The following BMPER variants were observed in gnomAD, a reference collection of about 807,000 sequenced individuals.
The protein encoded by BMPER is BMP binding endothelial regulator, also known as BMP-binding endothelial regulator protein.
A neutral mutation model predicts 87.3 loss-of-function variants in BMPER; 45 were observed. The ratio of observed to expected loss-of-function variants is 0.52; its 90% CI spans 0.41 to 0.66. BMPER has a LOEUF of 0.66. Ranked by LOEUF, BMPER falls within the 30% of genes least tolerant of loss-of-function variation. The pLI, the probability that BMPER is intolerant of heterozygous loss-of-function variation, is 0.00. For missense variants in BMPER, 784 were observed against 867.5 expected (o/e 0.90, Z 1.21); for synonymous variants, 326 against 316.2 (o/e 1.03, Z -0.33).
chr7:33,972,783 G>C (rs1468262095), intron 5 of BMPER, among the ~76,000 whole-genome samples: 1 of 152,234 alleles, frequency 6.6e-6, no homozygotes, highest in African/African-American at 2.4e-5. Context: ...GGCAGGCTCT[G>C]TGTCCTCAAT....
chr7:34,088,098 G>A (rs1471697643), intron 13 of BMPER, among the ~76,000 whole-genome samples: 1 of 152,228 alleles, frequency 6.6e-6, no homozygotes, highest in East Asian at 1.9e-4. Context: ...TAAAGGGCTT[G>A]ATGCCCTGAG....
intron 6 of BMPER, among the ~76,000 whole-genome samples, chr7:33,987,443 A>G (rs996986318): frequency 2.0e-5 from 3 of 152,254 alleles, no homozygotes; most frequent in African/African-American, 7.2e-5. Context: ...TCTCAAGCCC[A>G]TCTCTGAGCC....
intron 2 of BMPER, among the ~76,000 whole-genome samples, chr7:33,925,116 G>A (rs1047887991): frequency 3.9e-5 from 6 of 152,178 alleles, no homozygotes; most frequent in African/African-American, 9.7e-5. Context: ...CGTCAGCCCT[G>A]TGAGGACATG....
In BMPER at chr7:34,051,952, C is replaced by T; in HGVS notation, c.768C>T (p.Cys256=). The change falls in exon 8 of 15, where the codon TGC becomes TGT. Residue 256 remains cysteine (C), a synonymous_variant. Coordinates refer to ENST00000649409, the MANE Select transcript of BMPER (RefSeq NM_001365308.1). ...DNGSSFLYDN[C]TACTCRDSTV... ...GATCCTCATTTCTGTACGATAACTGCACAGCTTGTACCTGCAGGGTAAGGC... is the reference window on the plus strand; with the variant it reads ...GATCCTCATTTCTGTACGATAACTGTACAGCTTGTACCTGCAGGGTAAGGC... The T allele has an allele frequency of 6.2e-7, 1 of 1,613,484 alleles. No individual in the cohort carries two copies. The highest frequency in any genetic ancestry group is 8.5e-7 in the Non-Finnish European group (1 of 1,179,450).
chr7:34,058,768 C>T (rs892419324), intron 10 of BMPER, among the ~76,000 whole-genome samples: 1 of 152,188 alleles, frequency 6.6e-6, no homozygotes, highest in Non-Finnish European at 1.5e-5. Context: ...ATTGAATTCA[C>T]CTCAGCAACT....
intron 6 of BMPER, among the ~76,000 whole-genome samples, chr7:34,007,361 A>G (rs771047159): frequency 3.3e-5 from 5 of 152,072 alleles, no homozygotes; most frequent in African/African-American, 4.8e-5. Flanking sequence ...GCACATGTAC[A>G]TTCCTAAGCT....
At chr7:34,082,328 G>GTTTTTTTTTTTTTTTTTTTTTTTTTTTTT (rs55748957) in intron 12 of BMPER, among the ~76,000 whole-genome samples, 1 of 116,442 alleles carries the variant, frequency 8.6e-6, no homozygotes, top group African/African-American at 3.2e-5. Context: ...CAACTTATTA[G>GTTTTTTTTTTTTTTTTTTTTTTTTTTTTT]TTTTTTTTTT....
chr7:33,973,881 G>A (rs10281667), intron 5 of BMPER, among the ~76,000 whole-genome samples: 93,512 of 151,966 alleles, frequency 0.62, 29,008 homozygotes, highest in Middle Eastern at 0.67. Flanking sequence ...TTTGTGCATC[G>A]TGCCATTTAT....
At chr7:33,951,832 T>C (rs1169485623) in intron 3 of BMPER, among the ~76,000 whole-genome samples, 1 of 152,106 alleles carries the variant, frequency 6.6e-6, no homozygotes, top group Non-Finnish European at 1.5e-5. Context: ...TTCCTGGCCA[T>C]GGTGGAGGAG....
intron 6 of BMPER, among the ~76,000 whole-genome samples, chr7:34,012,924 T>C (rs1562688940): frequency 6.6e-6 from 1 of 151,902 alleles, no homozygotes; most frequent in Non-Finnish European, 1.5e-5. Context: ...TATTAAAAAA[T>C]ATAAAAACTT....
At chr7:33,984,005 G>A (rs894648571) in intron 6 of BMPER, among the ~76,000 whole-genome samples, 2 of 152,140 alleles carry the variant, frequency 1.3e-5, no homozygotes, top group African/African-American at 4.8e-5. Flanking sequence ...TCTCCATAAT[G>A]CCAGTGTGAA....
chr7:34,153,240 G>A lies in BMPER; in HGVS notation c.2025G>A (p.Arg675=), dbSNP rs550539091. Reference sequence around the variant, plus strand: ...CAAACTTGGTCCTTCACAAGGGAAGGTGCATCAAGCCAGTCCTTTGTCCCC... The same window carrying A: ...CAAACTTGGTCCTTCACAAGGGAAGATGCATCAAGCCAGTCCTTTGTCCCC... ...CPANLVLHKG[R]CIKPVLCPQR Residue 675 remains arginine (R), a synonymous_variant, in exon 15 of 15, where the codon AGG becomes AGA. Transcript: ENST00000649409. 3.7e-6 allele frequency: 6 copies of A among 1,614,038 alleles called. No homozygotes were observed. Among genetic ancestry groups the A allele is most frequent in the Admixed American group, 1.7e-5 (1 of 60,016 alleles).
chr7:34,001,638 G>A (rs547965446), intron 6 of BMPER, among the ~76,000 whole-genome samples: 2 of 150,098 alleles, frequency 1.3e-5, no homozygotes, highest in East Asian at 3.9e-4. Flanking sequence ...CCTACTTTTG[G>A]TTTCATCGAA....
chr7:34,047,200 A>G (rs1787997432), intron 7 of BMPER, among the ~76,000 whole-genome samples: 1 of 152,150 alleles, frequency 6.6e-6, no homozygotes, highest in African/African-American at 2.4e-5. Flanking sequence ...GGGACAACTC[A>G]TGATGGGTAT....
At chr7:33,964,808 T>A (rs1156794010) in intron 3 of BMPER, among the ~76,000 whole-genome samples, 1 of 152,142 alleles carries the variant, frequency 6.6e-6, no homozygotes, top group African/African-American at 2.4e-5. Context: ...TTTCTTTCAG[T>A]TTTTTAATTC....
intron 6 of BMPER, among the ~76,000 whole-genome samples, chr7:34,001,693 T>G (rs1301944462): frequency 6.6e-6 from 1 of 151,768 alleles, no homozygotes; most frequent in Non-Finnish European, 1.5e-5. Context: ...ATTCTAGTCT[T>G]CATCATTTTC....
intron 13 of BMPER, among the ~76,000 whole-genome samples, chr7:34,127,810 C>T (rs542769825): frequency 9.9e-5 from 15 of 152,258 alleles, no homozygotes; most frequent in African/African-American, 2.9e-4. Context: ...CTGGTGTTCC[C>T]GCAGGTAAGT....
intron 6 of BMPER, among the ~76,000 whole-genome samples, chr7:34,006,612 A>C (rs1786739768): frequency 6.6e-6 from 1 of 152,104 alleles, no homozygotes. Flanking sequence ...TTTAGGAAGC[A>C]TATTGTGCTT....
rs1402335808 is a variant in BMPER, at chr7:33,932,930, C to G, written c.220-4359C>G. ...GCGGTGCTCTGCTATCTTCTCTGTA[C>G]CCCTCCGCCCTACGCTCATGGGAGA... is the stretch of plus-strand genomic sequence containing the variant. On this transcript the variant is annotated intron_variant, in intron 2 of 14. Transcript: ENST00000649409. Among the ~76,000 whole-genome samples, 8 of 152,212 alleles carry G rather than the reference C, an allele frequency of 5.3e-5. 1 individual carries two copies. In the East Asian group the frequency reaches 1.5e-3, roughly 29 times the overall value.
Sources: gnomAD v4.1 joint callset for allele counts (sites outside exome capture counted in the v4.1 genomes callset) on GRCh38, gnomAD v4.1.1 for gene constraint, MANE v1.5 for transcripts, NCBI Gene and HGNC (gene_info 2026-07-23, HGNC 2026-07-21) for gene names.